MAGI2: variants seen among roughly 807,000 people sequenced by gnomAD.
The protein encoded by MAGI2 is membrane-associated guanylate kinase, WW and PDZ domain-containing protein 2.
A neutral mutation model predicts 133.3 loss-of-function variants in MAGI2; 35 were observed. That is an observed-to-expected ratio of 0.26 (90% CI 0.20 to 0.35). MAGI2 has a LOEUF of 0.35. Ranked by LOEUF, MAGI2 falls within the 10% of genes least tolerant of loss-of-function variation. The pLI, the probability that MAGI2 is intolerant of heterozygous loss-of-function variation, is 1.00. For synonymous variants in MAGI2, 729 were observed against 710.6 expected (o/e 1.03, Z -0.41); for missense variants, 1,636 against 1,863.4 (o/e 0.88, Z 2.25).
intron 21 of MAGI2, among the ~76,000 whole-genome samples, chr7:78,077,569 G>T (rs1815461842): frequency 6.7e-6 from 1 of 149,788 alleles, no homozygotes; most frequent in Admixed American, 6.6e-5. Context: ...TTTGAGGGGT[G>T]CACAAGATGC....
intron 16 of MAGI2, among the ~76,000 whole-genome samples, chr7:78,144,970 GAA>G (rs1463452375): frequency 6.6e-6 from 1 of 152,078 alleles, no homozygotes; most frequent in Non-Finnish European, 1.5e-5. Context: ...TTATGAGTGA[GAA>G]CATGCGGTGT....
In MAGI2 at chr7:78,256,157, A is replaced by G; in HGVS notation, c.1833T>C (p.Gly611=). The change falls in exon 10 of 22, where the codon GGT becomes GGC. Residue 611 remains glycine (G), a synonymous_variant. Coordinates refer to ENST00000354212, the MANE Select transcript of MAGI2 (RefSeq NM_012301.4). ...CAATAGTGAAGCCGAAGCCCTGGGC[A>G]CCTTTCACAATGGTTAAGGTCATAA... The part of the protein sequence containing the change: ...AELMTLTIVK[G]AQGFGFTIAD... 3.7e-6 allele frequency: 6 copies of G among 1,613,906 alleles called. No homozygotes were observed. The highest frequency in any genetic ancestry group is 4.2e-6 in the Non-Finnish European group (5 of 1,179,966).
At chr7:78,638,994 T>C (rs764416752) in intron 2 of MAGI2, among the ~76,000 whole-genome samples, 32 of 152,156 alleles carry the variant, frequency 2.1e-4, no homozygotes, top group Non-Finnish European at 3.7e-4. Context: ...TATAGTCTCC[T>C]CATGTAAAAT....
At chr7:78,548,594 C>A (rs1799070419) in intron 3 of MAGI2, among the ~76,000 whole-genome samples, 2 of 152,146 alleles carry the variant, frequency 1.3e-5, no homozygotes, top group Non-Finnish European at 2.9e-5. Context: ...ACTTGGGAGG[C>A]TGAGGCAGGA....
intron 6 of MAGI2, among the ~76,000 whole-genome samples, chr7:78,424,546 A>C (rs377408154): frequency 6.6e-6 from 1 of 152,218 alleles, no homozygotes; most frequent in East Asian, 1.9e-4. Flanking sequence ...AGATTCATGA[A>C]AACTTGCACC....
intron 2 of MAGI2, chr7:78,902,580 C>T (rs1797688510): frequency 6.6e-6 from 1 of 152,096 alleles, no homozygotes; most frequent in South Asian, 2.1e-4. Context: ...CTTTTAGAAG[C>T]CGGAGTTCTA....
intron 2 of MAGI2, among the ~76,000 whole-genome samples, chr7:78,759,866 C>A (rs534426888): frequency 6.6e-6 from 1 of 152,100 alleles, no homozygotes. Context: ...TGGTGGCTCA[C>A]ACCTGTAATC....
At chr7:79,265,132 A>G (rs960393804) in intron 1 of MAGI2, among the ~76,000 whole-genome samples, 2 of 152,150 alleles carry the variant, frequency 1.3e-5, no homozygotes, top group Non-Finnish European at 2.9e-5. Flanking sequence ...CATAAAACTC[A>G]TGCTCTGAAC....
At chr7:78,981,071 T>A (rs563874395) in intron 2 of MAGI2, among the ~76,000 whole-genome samples, 1 of 151,848 alleles carries the variant, frequency 6.6e-6, no homozygotes, top group African/African-American at 2.4e-5. Context: ...AAGAATTTTT[T>A]GCTTGGCTCT....
At chr7:78,955,766 TTTCTTTC>T (rs1562713287) in intron 2 of MAGI2, among the ~76,000 whole-genome samples, 1 of 88,398 alleles carries the variant, frequency 1.1e-5, no homozygotes, top group Non-Finnish European at 2.6e-5. Flanking sequence ...TCTTTCTTTC[TTTCTTTC>T]TTTCTTTCTT....
At chr7:78,504,518 A>G (rs564863490) in intron 4 of MAGI2, among the ~76,000 whole-genome samples, 1 of 152,296 alleles carries the variant, frequency 6.6e-6, no homozygotes, top group South Asian at 2.1e-4. Context: ...GAAGGAGAGC[A>G]CTACTGAGAT....
rs374819272 is a variant in MAGI2, at chr7:79,125,246, T to C, written c.302-118040A>G. 5.7e-5 allele frequency: 25 copies of C among 435,018 alleles called. 1 individual carries two copies. In the East Asian group the frequency reaches 6.1e-4, roughly 11 times the overall value. The allele number at this position is 435,018 out of a possible 1,614,324, so 26.9% of individuals were successfully genotyped here. A position where few individuals can be genotyped will look rare whatever the true frequency, so the allele number is the denominator to read the frequency against. On this transcript the variant is annotated intron_variant, in intron 1 of 21. Transcript: ENST00000354212. ...ATTCAGAAATATACCATACTGTGAA[T>C]GGCTACAACTGTGAAGTAAGGAAAG...
At chr7:78,572,050 A>T (rs1801551212) in intron 3 of MAGI2, among the ~76,000 whole-genome samples, 1 of 152,220 alleles carries the variant, frequency 6.6e-6, no homozygotes, top group Admixed American at 6.5e-5. Flanking sequence ...TGAAAGCATT[A>T]TAACAAATGG....
At chr7:79,275,475 A>G (rs1197948434) in intron 1 of MAGI2, among the ~76,000 whole-genome samples, 4 of 152,250 alleles carry the variant, frequency 2.6e-5, no homozygotes, top group African/African-American at 9.6e-5. Context: ...AGTTTGGTCC[A>G]TGAAGTTTAA....
intron 10 of MAGI2, among the ~76,000 whole-genome samples, chr7:78,227,180 TTAGA>T (rs907305329): frequency 5.3e-5 from 8 of 152,238 alleles, no homozygotes; most frequent in African/African-American, 1.7e-4. Flanking sequence ...AAATAGTTTC[TTAGA>T]TATATTTTTC....
At chr7:78,474,020 A>G (rs940386663) in intron 6 of MAGI2, among the ~76,000 whole-genome samples, 7 of 152,052 alleles carry the variant, frequency 4.6e-5, no homozygotes, top group South Asian at 2.1e-4. Context: ...ACCAGAGAAC[A>G]GTCTCTGACA....
chr7:78,629,563 C>A (rs1808744300), intron 2 of MAGI2, among the ~76,000 whole-genome samples: 1 of 152,158 alleles, frequency 6.6e-6, no homozygotes, highest in Non-Finnish European at 1.5e-5. Flanking sequence ...TTACCCCACT[C>A]ATAATTAACC....
chr7:78,273,705 C>T (rs1238360181), intron 9 of MAGI2, among the ~76,000 whole-genome samples: 1 of 151,922 alleles, frequency 6.6e-6, no homozygotes, highest in Non-Finnish European at 1.5e-5. Context: ...CTCTAATATC[C>T]TTTCTTCCAC....
chr7:78,841,506 G>A (rs755721719), intron 2 of MAGI2, among the ~76,000 whole-genome samples: 25 of 151,918 alleles, frequency 1.6e-4, no homozygotes, highest in Middle Eastern at 3.4e-3. Context: ...CATGCCTTAT[G>A]CATCCCTCTC....
Sources: allele counts gnomAD v4.1 joint callset (sites outside exome capture counted in the v4.1 genomes callset), GRCh38; gene constraint gnomAD v4.1.1; transcripts MANE v1.5; gene names NCBI Gene and HGNC (gene_info 2026-07-23, HGNC 2026-07-21).